Variants in SGCZ observed in about 807,000 individuals in gnomAD.
SGCZ encodes sarcoglycan zeta.
Under a neutral mutation model 41.3 loss-of-function variants are expected in SGCZ, and 40 were observed. The ratio of observed to expected loss-of-function variants is 0.97; its 90% CI spans 0.75 to 1.26. The LOEUF is 1.26. Among genes scored for constraint, SGCZ ranks in the 50% most tolerant of loss-of-function variants. SGCZ has a pLI of 0.00. For missense variants in SGCZ, 552 were observed against 369.8 expected (o/e 1.49, Z -4.04); for synonymous variants, 206 against 137.5 (o/e 1.50, Z -3.49).
At chr8:14,552,097 C>T (rs746858445) in intron 2 of SGCZ, among the ~76,000 whole-genome samples, 9 of 151,890 alleles carry the variant, frequency 5.9e-5, no homozygotes, top group Non-Finnish European at 1.2e-4. Flanking sequence ...TGATTTTCTA[C>T]TTCTTACTAT....
chr8:14,171,424 A>C (rs549960782), intron 4 of SGCZ, among the ~76,000 whole-genome samples: 2 of 152,024 alleles, frequency 1.3e-5, no homozygotes, highest in East Asian at 3.8e-4. Flanking sequence ...TATATGTAAC[A>C]TAACTTGTTT....
intron 5 of SGCZ, among the ~76,000 whole-genome samples, chr8:14,158,159 A>AT (rs1803933750): frequency 6.6e-6 from 1 of 152,004 alleles, no homozygotes. Flanking sequence ...TGGTCCTTTA[A>AT]TAGAAGAAAA....
At chr8:14,796,514 T>C (rs1801137030) in intron 1 of SGCZ, among the ~76,000 whole-genome samples, 1 of 152,220 alleles carries the variant, frequency 6.6e-6, no homozygotes, top group Non-Finnish European at 1.5e-5. Flanking sequence ...TAACTTTCAT[T>C]AAAAAATTAA....
chr8:14,262,339 C>G (rs1799703947), intron 3 of SGCZ, among the ~76,000 whole-genome samples: 1 of 152,098 alleles, frequency 6.6e-6, no homozygotes, highest in Non-Finnish European at 1.5e-5. Flanking sequence ...TTAAATAATT[C>G]TGTACAATAG....
chr8:15,158,320 T>A (rs1247441441), intron 1 of SGCZ, among the ~76,000 whole-genome samples: 2 of 152,150 alleles, frequency 1.3e-5, no homozygotes, highest in Non-Finnish European at 2.9e-5. Flanking sequence ...AAATTTTTCC[T>A]TTTTTGCTAG....
chr8:15,236,421 C>T (rs1379909165), intron 1 of SGCZ, among the ~76,000 whole-genome samples: 1 of 151,028 alleles, frequency 6.6e-6, no homozygotes, highest in African/African-American at 2.5e-5. Context: ...AACCTCTATT[C>T]GTCGTTTCTC....
At chr8:14,645,058 G>C (rs879821426) in intron 1 of SGCZ, among the ~76,000 whole-genome samples, 8 of 151,502 alleles carry the variant, frequency 5.3e-5, no homozygotes, top group Non-Finnish European at 1.0e-4. Context: ...TTTGAGAAAA[G>C]GCTTAGGAAT....
chr8:14,686,904 AT>A (rs1808628712), intron 1 of SGCZ, among the ~76,000 whole-genome samples: 1 of 151,954 alleles, frequency 6.6e-6, no homozygotes, highest in Admixed American at 6.6e-5. Context: ...CATCATTAAC[AT>A]TTTCAAACTG....
At chr8:15,032,083 C>T (rs1803693218) in intron 1 of SGCZ, among the ~76,000 whole-genome samples, 1 of 152,118 alleles carries the variant, frequency 6.6e-6, no homozygotes, top group South Asian at 2.1e-4. Flanking sequence ...CTCTGATCTT[C>T]AGTGTCCTCA....
At chr8:14,188,862 G>A (rs1241987819) in intron 4 of SGCZ, among the ~76,000 whole-genome samples, 129 of 126,028 alleles carry the variant, frequency 1.0e-3, no homozygotes, top group Admixed American at 2.9e-3. Context: ...ATGGAGTTTC[G>A]CTCTTGTTGC....
rs190226222 is a variant in SGCZ at position 14,920,923 on chromosome 8, A to G, written c.39+316662T>C. ...AATTGAAACAATCATTTTCCCAGCC[A>G]TCAGCATAGTGGCTTCTACGCTCAG... On this transcript the variant is annotated intron_variant, in intron 1 of 7. Transcript: ENST00000382080. 8.5e-5 allele frequency among the ~76,000 whole-genome samples: 13 copies of G among 152,270 alleles called. No homozygotes were observed. In the East Asian group the frequency reaches 2.3e-3, roughly 27 times the overall value.
chr8:14,104,322 T>C (rs948454922), intron 6 of SGCZ, among the ~76,000 whole-genome samples: 22 of 152,104 alleles, frequency 1.4e-4, no homozygotes, highest in African/African-American at 4.6e-4. Flanking sequence ...GAGAGAAGGA[T>C]AGTCCCTCTA....
At chr8:14,692,984 AG>A (rs1186125222) in intron 1 of SGCZ, among the ~76,000 whole-genome samples, 5 of 152,162 alleles carry the variant, frequency 3.3e-5, no homozygotes, top group African/African-American at 1.2e-4. Context: ...ATATTTTCAG[AG>A]CTCTCTGTAT....
At chr8:14,615,462 C>G (rs759111414) in intron 1 of SGCZ, among the ~76,000 whole-genome samples, 4 of 152,184 alleles carry the variant, frequency 2.6e-5, no homozygotes, top group Non-Finnish European at 5.9e-5. Context: ...CTGCCTGATT[C>G]ATAAATAGTT....
chr8:14,340,134 C>T (rs190247305), intron 2 of SGCZ, among the ~76,000 whole-genome samples: 1,686 of 152,058 alleles, frequency 0.011, 27 homozygotes, highest in African/African-American at 0.037. Flanking sequence ...GCTGTTGTTT[C>T]AATTCTGTTT....
chr8:14,518,469 A>G (rs1345867843), intron 2 of SGCZ, among the ~76,000 whole-genome samples: 3 of 152,110 alleles, frequency 2.0e-5, no homozygotes, highest in Non-Finnish European at 2.9e-5. Context: ...TTTTATTTCA[A>G]CATGCCACTT....
chr8:14,311,027 CA>C (rs1467868277), intron 3 of SGCZ, among the ~76,000 whole-genome samples: 1 of 152,068 alleles, frequency 6.6e-6, no homozygotes, highest in Non-Finnish European at 1.5e-5. Context: ...CAGATGAAAC[CA>C]AACTGACCTA....
intron 1 of SGCZ, among the ~76,000 whole-genome samples, chr8:14,908,820 A>G (rs1799197831): frequency 6.6e-6 from 1 of 151,960 alleles, no homozygotes; most frequent in African/African-American, 2.4e-5. Flanking sequence ...TGTCAGAGAT[A>G]CAAAGTTTCT....
rs751832978 is a variant in SGCZ, at chr8:14,087,258, G to A, written c.*3185C>T. On this transcript the variant is annotated 3_prime_UTR_variant, in exon 8 of 8. Transcript: ENST00000382080. The stretch of plus-strand genomic sequence containing the variant: ...AGTACCGGATAGAAATTTTGGAAAT[G>A]TTGAACAAGGGAAGTAGGAAATTTG... Among the ~76,000 whole-genome samples, 6 of 151,412 alleles carry A rather than the reference G, an allele frequency of 4.0e-5. No individual in the cohort carries two copies. The highest frequency in any genetic ancestry group is 7.4e-5 in the Non-Finnish European group (5 of 67,626).
Sources: allele counts gnomAD v4.1 joint callset (sites outside exome capture counted in the v4.1 genomes callset), GRCh38; gene constraint gnomAD v4.1.1; transcripts MANE v1.5; gene names NCBI Gene and HGNC (gene_info 2026-07-23, HGNC 2026-07-21).